PRKN: variants seen among roughly 807,000 people sequenced by gnomAD.
The protein encoded by PRKN is E3 ubiquitin-protein ligase parkin.
PRKN carries 56 observed loss-of-function variants against 59.5 expected under a neutral mutation model. The observed-to-expected ratio is 0.94, with a 90% CI of 0.76 to 1.18. PRKN has a LOEUF of 1.18. Among genes scored for constraint, PRKN ranks in the 50% most tolerant of loss-of-function variants. The probability of loss-of-function intolerance (pLI) is 0.00; values close to 1 mark genes in which losing one functional copy is unlikely to be tolerated. For synonymous variants in PRKN, 250 were observed against 222.1 expected, an observed-to-expected ratio of 1.13 and a Z score of -1.12; for missense variants, 657 against 596.4, an observed-to-expected ratio of 1.10 and a Z score of -1.06.
chr6:162,460,442 T>C (rs1306008471), intron 1 of PRKN, among the ~76,000 whole-genome samples: 2 of 152,186 alleles, frequency 1.3e-5, no homozygotes, highest in Non-Finnish European at 2.9e-5. Context: ...AAATTGACTG[T>C]GGTGATGGTT....
intron 6 of PRKN, among the ~76,000 whole-genome samples, chr6:161,947,131 T>G (rs564192330): frequency 6.6e-6 from 1 of 152,174 alleles, no homozygotes; most frequent in East Asian, 1.9e-4. Context: ...TTTATACGTG[T>G]TATATGTAAA....
In PRKN at chr6:161,951,922, A is replaced by C. The variant is rs1379563998; in HGVS notation, c.734+21380T>G. 2.6e-5 allele frequency among the ~76,000 whole-genome samples: 4 copies of C among 152,182 alleles called. No individual in the cohort carries two copies. In the East Asian group the frequency reaches 7.7e-4, roughly 29 times the overall value. On this transcript the variant is annotated intron_variant, in intron 6 of 11. Coordinates refer to ENST00000366898, the MANE Select transcript of PRKN (RefSeq NM_004562.3). ...AACAGAGCAAGACTCCATCTTAAAA[A>C]AAAAAAAAAGAAAGGAAGAAGGAAA... is the stretch of plus-strand genomic sequence containing the variant.
At chr6:162,233,984 T>C (rs1778532064) in intron 3 of PRKN, among the ~76,000 whole-genome samples, 1 of 152,194 alleles carries the variant, frequency 6.6e-6, no homozygotes, top group Admixed American at 6.5e-5. Context: ...TGGTATTCTA[T>C]TATAGCAACA....
At chr6:161,599,101 A>C (rs1298166217) in intron 7 of PRKN, among the ~76,000 whole-genome samples, 4 of 152,210 alleles carry the variant, frequency 2.6e-5, no homozygotes, top group African/African-American at 9.6e-5. Flanking sequence ...GGGTGGGAGC[A>C]GATCCTTCCC....
intron 7 of PRKN, among the ~76,000 whole-genome samples, chr6:161,696,934 G>C (rs1011296661): frequency 1.3e-5 from 2 of 152,180 alleles, no homozygotes; most frequent in Non-Finnish European, 2.9e-5. Flanking sequence ...AAGAGAACAT[G>C]TAAGCCCTAC....
In PRKN at chr6:161,458,621, A is replaced by G. The variant is rs952464131; in HGVS notation, c.1084-71744T>C. 6.6e-6 allele frequency among the ~76,000 whole-genome samples: 1 copy of G among 152,238 alleles called. No homozygotes were observed. The highest frequency in any genetic ancestry group is 2.4e-5 in the African/African-American group (1 of 41,468). ...AGCAAAGGAGCATTTCCAAGGTACAAAAACATTTCAGCCATTAAGCTCAAA... is the reference window on the plus strand; with the variant it reads ...AGCAAAGGAGCATTTCCAAGGTACAGAAACATTTCAGCCATTAAGCTCAAA... On this transcript the variant is annotated intron_variant, in intron 9 of 11. Coordinates refer to ENST00000366898, the MANE Select transcript of PRKN (RefSeq NM_004562.3). This position sits in a 1 kb window ranked among gnomAD's most constrained non-coding sequence, Gnocchi z 6.1.
At chr6:162,418,835 C>T (rs1333990694) in intron 2 of PRKN, among the ~76,000 whole-genome samples, 3 of 151,770 alleles carry the variant, frequency 2.0e-5, no homozygotes, top group Non-Finnish European at 2.9e-5. Context: ...CAGACCACTG[C>T]AGCCCCCAAA....
chr6:162,134,975 A>T (rs1781510059), intron 4 of PRKN, among the ~76,000 whole-genome samples: 1 of 152,194 alleles, frequency 6.6e-6, no homozygotes, highest in Non-Finnish European at 1.5e-5. Context: ...TTTTAATAAG[A>T]AATATACATG....
At chr6:162,537,106 C>T (rs1355021945) in intron 1 of PRKN, among the ~76,000 whole-genome samples, 4 of 152,306 alleles carry the variant, frequency 2.6e-5, no homozygotes, top group East Asian at 3.9e-4. Context: ...GTTGCCTGAA[C>T]TAGGTACAGA....
intron 1 of PRKN, among the ~76,000 whole-genome samples, chr6:162,532,783 A>G (rs1431834433): frequency 6.6e-6 from 1 of 152,212 alleles, no homozygotes; most frequent in African/African-American, 2.4e-5. Context: ...TGTTTTGTAC[A>G]AGGAACAAAG....
rs1452962046 is a variant in PRKN at position 161,504,709 on chromosome 6, G to A, written c.1083+44145C>T. Among the ~76,000 whole-genome samples, 4 of 128,700 alleles carry A rather than the reference G, an allele frequency of 3.1e-5. No individual in the cohort carries two copies. In the South Asian group the frequency reaches 1.0e-3, roughly 33 times the overall value. The allele number at this position is 128,700 out of a possible 152,430, so 84.4% of individuals were successfully genotyped here. On this transcript the variant is annotated intron_variant, in intron 9 of 11. Coordinates refer to ENST00000366898, the MANE Select transcript of PRKN (RefSeq NM_004562.3). ...CCCACAACAGTCCCCAGAGTGTGAT[G>A]TTCCCCCTCCTGTGTCCATGTGTTC...
In PRKN at chr6:161,566,844, TCA is replaced by T. The variant is rs1245055909; in HGVS notation, c.933+2509_933+2510del. 2.6e-5 allele frequency among the ~76,000 whole-genome samples: 4 copies of T among 152,136 alleles called. No individual in the cohort carries two copies. The highest frequency in any genetic ancestry group is 4.4e-5 in the Non-Finnish European group (3 of 68,028). On this transcript the variant is annotated intron_variant, in intron 8 of 11. Coordinates refer to ENST00000366898, the MANE Select transcript of PRKN (RefSeq NM_004562.3). This position sits in a 1 kb window ranked among gnomAD's most constrained non-coding sequence, Gnocchi z 4.1. ...ATGAATGTTAAAGCCAGGCACATGATCACATTGGAGCCTCTGTTGTTGCTTCA... is the reference window on the plus strand; with the variant it reads ...ATGAATGTTAAAGCCAGGCACATGATCATTGGAGCCTCTGTTGTTGCTTCA...
rs376576006 is a variant in PRKN, at chr6:161,660,070, GCTA to G, written c.872-90657_872-90655del. ...CTCAAAAAGCATTGTGACTGCTGTTGCTACTACTACTACTACTACAACTATTAC... is the reference window on the plus strand; with the variant it reads ...CTCAAAAAGCATTGTGACTGCTGTTGCTACTACTACTACTACAACTATTAC... On this transcript the variant is annotated intron_variant, in intron 7 of 11. Transcript: ENST00000366898. 6.2e-4 allele frequency among the ~76,000 whole-genome samples: 95 copies of G among 152,060 alleles called. 2 individuals are homozygous for G. In the East Asian group the frequency reaches 0.016, roughly 25 times the overall value.
chr6:161,359,072 G>A lies in PRKN; in HGVS notation c.1285+1016C>T, dbSNP rs374720525. ...GCCTCCCAAAGTGCTGGGATTACAG[G>A]CGTGAGCCACCGCGCCCGGCCGCCT... On this transcript the variant is annotated intron_variant, in intron 11 of 11. Transcript: ENST00000366898. The surrounding 1 kb of genome is among the most constrained non-coding windows in gnomAD (Gnocchi z 5.4). Among the ~76,000 whole-genome samples, 7 of 152,216 alleles carry A rather than the reference G, an allele frequency of 4.6e-5. No homozygotes were observed. The highest frequency in any genetic ancestry group is 2.6e-4 in the Admixed American group (4 of 15,296).
At chr6:161,370,306 T>C (rs1785387754) in intron 10 of PRKN, among the ~76,000 whole-genome samples, 2 of 151,318 alleles carry the variant, frequency 1.3e-5, no homozygotes, top group South Asian at 2.1e-4. Flanking sequence ...TGAATTAGGC[T>C]GGGCACGGTG....
At chr6:162,203,618 T>C (rs561858051) in intron 3 of PRKN, among the ~76,000 whole-genome samples, 20 of 152,334 alleles carry the variant, frequency 1.3e-4, no homozygotes, top group African/African-American at 4.8e-4. Context: ...CCCATCGGCC[T>C]GGCTGAAGGG....
chr6:161,498,626 T>C lies in PRKN; in HGVS notation c.1083+50228A>G, dbSNP rs1307867284. On this transcript the variant is annotated intron_variant, in intron 9 of 11. Coordinates refer to ENST00000366898, the MANE Select transcript of PRKN (RefSeq NM_004562.3). The surrounding 1 kb of genome is among the most constrained non-coding windows in gnomAD (Gnocchi z 4.2). ...ACTCAACTCTCCATCCCTCCCACCATCCTGCTTCCTGAAGGAAGGGCTCCA... is the reference window on the plus strand; with the variant it reads ...ACTCAACTCTCCATCCCTCCCACCACCCTGCTTCCTGAAGGAAGGGCTCCA... 6.6e-6 allele frequency among the ~76,000 whole-genome samples: 1 copy of C among 152,140 alleles called. No homozygotes were observed. The highest frequency in any genetic ancestry group is 2.4e-5 in the African/African-American group (1 of 41,444).
rs187187515 is a variant in PRKN at position 161,397,925 on chromosome 6, G to A, written c.1084-11048C>T. Among the ~76,000 whole-genome samples, 2 of 152,242 alleles carry A rather than the reference G, an allele frequency of 1.3e-5. No homozygotes were observed. On this transcript the variant is annotated intron_variant, in intron 9 of 11. Coordinates refer to ENST00000366898, the MANE Select transcript of PRKN (RefSeq NM_004562.3). This position sits in a 1 kb window ranked among gnomAD's most constrained non-coding sequence, Gnocchi z 4.2. ...AGGCTAAGATCACAGGCATGATGGG[G>A]TGGAAAAGGCTTCACAACAGAGAGC...
Position 161,795,075 on chromosome 6 carries a change from G to A in PRKN, c.735-9167C>T, listed in dbSNP as rs1181266986. Among the ~76,000 whole-genome samples, 3 of 151,558 alleles carry A rather than the reference G, an allele frequency of 2.0e-5. No individual in the cohort carries two copies. The East Asian group carries it at 5.9e-4, about 30-fold the overall frequency. On this transcript the variant is annotated intron_variant, in intron 6 of 11. Coordinates refer to ENST00000366898, the MANE Select transcript of PRKN (RefSeq NM_004562.3). Reference sequence around the variant, plus strand: ...AATTTTTTGTATTTTTAGTAGAGACGGGGTTTCACCAAGCTAGCCAGGATG... The same window carrying A: ...AATTTTTTGTATTTTTAGTAGAGACAGGGTTTCACCAAGCTAGCCAGGATG...
Sources: gnomAD v4.1 joint callset for allele counts (sites outside exome capture counted in the v4.1 genomes callset) on GRCh38, gnomAD v4.1.1 for gene constraint, Gnocchi (gnomAD v3.1) non-coding constraint, MANE v1.5 for transcripts, NCBI Gene and HGNC (gene_info 2026-07-23, HGNC 2026-07-21) for gene names.